The following ARNT2 variants were observed in gnomAD, a reference collection of about 807,000 sequenced individuals.
ARNT2 encodes the protein aryl hydrocarbon receptor nuclear translocator 2, also known as ARNT protein 2.
Under a neutral mutation model 91.7 loss-of-function variants are expected in ARNT2, and 36 were observed. That is an observed-to-expected ratio of 0.39 (90% confidence interval 0.30 to 0.52). The LOEUF (loss-of-function observed/expected upper bound fraction) is 0.52, where lower values mean the gene tolerates loss of function less well. Among genes scored for constraint, ARNT2 ranks in the 20% least tolerant of loss-of-function variants. The pLI is 0.72. For synonymous variants in ARNT2, 365 were observed against 347.1 expected, an observed-to-expected ratio of 1.05 and a Z score of -0.57; for missense variants, 775 against 939.3, an observed-to-expected ratio of 0.83 and a Z score of 2.29.
At chr15:80,590,572 T>TAA (rs201667648) in intron 17 of ARNT2, among the ~76,000 whole-genome samples, 2 of 149,264 alleles carry the variant, frequency 1.3e-5, no homozygotes, top group African/African-American at 4.9e-5. Flanking sequence ...ACCCCATCTC[T>TAA]AAAAAAAAAA....
Position 80,597,056 on chromosome 15 carries a change from G to C in ARNT2, c.*3358G>C, listed in dbSNP as rs1470927538. 1 of 477,864 alleles carries C rather than the reference G, an allele frequency of 2.1e-6. No individual in the cohort carries two copies. Among genetic ancestry groups the C allele is most frequent in the Non-Finnish European group, 4.2e-6 (1 of 239,282 alleles). 29.6% of individuals were successfully genotyped at this position (477,864 alleles called of 1,614,324 possible). A position where few individuals can be genotyped will look rare whatever the true frequency, so the allele number is the denominator to read the frequency against. On this transcript the variant is annotated 3_prime_UTR_variant, in exon 19 of 19. Coordinates refer to ENST00000303329, the MANE Select transcript of ARNT2 (RefSeq NM_014862.4). The stretch of plus-strand genomic sequence containing the variant: ...GACGTGAATGTTGCAGAGAGTGGGG[G>C]GATTCTGGTTGTTAAGGAACTTACA...
intron 8 of ARNT2, among the ~76,000 whole-genome samples, chr15:80,515,844 A>T (rs74337904): frequency 0.017 from 2,596 of 149,186 alleles, 80 homozygotes; most frequent in African/African-American, 0.061. Context: ...AACAATGTGT[A>T]TACTGCTGTT....
At chr15:80,573,600 C>T (rs577996913) in intron 12 of ARNT2, among the ~76,000 whole-genome samples, 2 of 152,334 alleles carry the variant, frequency 1.3e-5, no homozygotes, top group East Asian at 3.9e-4. Context: ...ATGGAGCAGG[C>T]AGCAAAGCCC....
At chr15:80,407,709 C>CTG (rs56826755) in intron 1 of ARNT2, among the ~76,000 whole-genome samples, 11,244 of 149,580 alleles carry the variant, frequency 0.075, 1,176 homozygotes, top group African/African-American at 0.24. Context: ...TTTTGTGTGT[C>CTG]TGTGTGTGTG....
chr15:80,565,618 C>T lies in ARNT2; in HGVS notation c.1316+2379C>T, dbSNP rs375861181. On this transcript the variant is annotated intron_variant, in intron 12 of 18. Coordinates refer to ENST00000303329, the MANE Select transcript of ARNT2 (RefSeq NM_014862.4). ...CTCATTGTGGTTTTGATTTGCATTTCTCTGGTGGTTAGCGATGATGAGCAT... is the reference window on the plus strand; with the variant it reads ...CTCATTGTGGTTTTGATTTGCATTTTTCTGGTGGTTAGCGATGATGAGCAT... Among the ~76,000 whole-genome samples, 33 of 150,044 alleles carry T rather than the reference C, an allele frequency of 2.2e-4. No individual in the cohort carries two copies. In the South Asian group the frequency reaches 6.9e-3, roughly 31 times the overall value.
chr15:80,536,560 G>A (rs1414113974), intron 8 of ARNT2, among the ~76,000 whole-genome samples: 1 of 152,136 alleles, frequency 6.6e-6, no homozygotes, highest in Admixed American at 6.5e-5. Flanking sequence ...CAGCTTCCTT[G>A]TCTATGTCTG....
At chr15:80,419,034 A>G (rs748481566) in intron 1 of ARNT2, among the ~76,000 whole-genome samples, 11 of 152,204 alleles carry the variant, frequency 7.2e-5, no homozygotes, top group Admixed American at 2.6e-4. Flanking sequence ...TCCAAGCTGA[A>G]TATTCCAGCA....
chr15:80,427,069 G>C (rs1204583036), intron 1 of ARNT2, among the ~76,000 whole-genome samples: 10 of 152,140 alleles, frequency 6.6e-5, no homozygotes, highest in Non-Finnish European at 1.5e-4. Context: ...TTCAACATAT[G>C]AATTTTGGGT....
At chr15:80,563,014 C>T in intron 11 of ARNT2, 74 bp from the exon 12 acceptor site, 1 of 1,556,928 alleles carries the variant, frequency 6.4e-7, no homozygotes, top group South Asian at 1.1e-5. Flanking sequence ...AACCCCACTG[C>T]CTGCAGCTTC....
intron 1 of ARNT2, among the ~76,000 whole-genome samples, chr15:80,431,640 G>C (rs542081960): frequency 6.6e-6 from 1 of 152,312 alleles, no homozygotes; most frequent in Admixed American, 6.5e-5. Flanking sequence ...TCTCGTGATT[G>C]TCTGTTCTTC....
At chr15:80,505,425 G>A (rs1252298883) in intron 5 of ARNT2, among the ~76,000 whole-genome samples, 1 of 152,172 alleles carries the variant, frequency 6.6e-6, no homozygotes, top group African/African-American at 2.4e-5. Flanking sequence ...AGATACACAG[G>A]AAGTAGAATT....
At chr15:80,528,824 G>A (rs1217491688) in intron 8 of ARNT2, among the ~76,000 whole-genome samples, 4 of 152,114 alleles carry the variant, frequency 2.6e-5, no homozygotes, top group Admixed American at 2.0e-4. Flanking sequence ...GCAGAACTGT[G>A]AGCCAAATCA....
chr15:80,418,307 GC>G (rs1433444305), intron 1 of ARNT2, among the ~76,000 whole-genome samples: 7 of 152,146 alleles, frequency 4.6e-5, no homozygotes, highest in Admixed American at 2.0e-4. Flanking sequence ...GAGCCTCTAG[GC>G]CCTGCCTCTG....
intron 8 of ARNT2, among the ~76,000 whole-genome samples, chr15:80,519,786 C>T (rs1418028840): frequency 1.3e-5 from 2 of 149,298 alleles, no homozygotes; most frequent in African/African-American, 2.5e-5. Context: ...CCTGGGTTCA[C>T]GCCATTCTCC....
At chr15:80,471,330 G>A (rs1013188219) in intron 4 of ARNT2, among the ~76,000 whole-genome samples, 2 of 152,194 alleles carry the variant, frequency 1.3e-5, no homozygotes, top group African/African-American at 2.4e-5. Flanking sequence ...TGAATGATGA[G>A]AACACATGGA....
In ARNT2 at chr15:80,558,359, C is replaced by T. The variant is rs377221220; in HGVS notation, c.1164+3220C>T. On this transcript the variant is annotated intron_variant, in intron 11 of 18. Transcript: ENST00000303329. ...TTTTTTTTTTTTTTTTTTTTTGAGA[C>T]GGGGTCTTACTCTGTTGCCCAGGCT... Among the ~76,000 whole-genome samples, 476 of 117,386 alleles carry T rather than the reference C, an allele frequency of 4.1e-3. 5 individuals carry two copies. Among genetic ancestry groups the T allele is most frequent in the African/African-American group, 0.015 (444 of 30,224 alleles). The allele number at this position is 117,386 out of a possible 152,430, so 77.0% of individuals were successfully genotyped here. A position where few individuals can be genotyped will look rare whatever the true frequency, so the allele number is the denominator to read the frequency against.
chr15:80,441,004 C>T (rs1330617855), intron 1 of ARNT2, among the ~76,000 whole-genome samples: 1 of 152,214 alleles, frequency 6.6e-6, no homozygotes, highest in East Asian at 1.9e-4. Flanking sequence ...AAGAGGGACC[C>T]TCCCTTGCTT....
Position 80,522,494 on chromosome 15 carries a change from G to A in ARNT2, c.877+8089G>A, listed in dbSNP as rs62006420. ...TTAATCGTTGTGTGAACATCATGGC[G>A]TGCACTTAAACAGACGTAGGTGGTA... On this transcript the variant is annotated intron_variant, in intron 8 of 18. Coordinates refer to ENST00000303329, the MANE Select transcript of ARNT2 (RefSeq NM_014862.4). Among the ~76,000 whole-genome samples the A allele has an allele frequency of 6.8e-3, 1,036 of 152,206 alleles. 4 individuals carry two copies. The highest frequency in any genetic ancestry group is 0.012 in the Non-Finnish European group (814 of 68,012).
At chr15:80,504,960 C>T (rs747524424) in intron 5 of ARNT2, among the ~76,000 whole-genome samples, 3 of 151,968 alleles carry the variant, frequency 2.0e-5, no homozygotes, top group African/African-American at 4.8e-5. Context: ...GGGCAGGGGC[C>T]GGACTTTGGA....
Sources: gnomAD v4.1 joint callset for allele counts (sites outside exome capture counted in the v4.1 genomes callset) on GRCh38, gnomAD v4.1.1 for gene constraint, MANE v1.5 for transcripts, NCBI Gene and HGNC (gene_info 2026-07-23, HGNC 2026-07-21) for gene names.